The following SUMF1 variants were observed in gnomAD, a reference collection of about 807,000 sequenced individuals.
SUMF1 encodes sulfatase modifying factor 1, also known as formylglycine-generating enzyme.
Under a neutral mutation model 47.6 loss-of-function variants are expected in SUMF1, and 48 were observed. The ratio of observed to expected loss-of-function variants is 1.01; its 90% CI spans 0.80 to 1.28. SUMF1 has a LOEUF of 1.28. Among genes scored for constraint, SUMF1 ranks in the 50% most tolerant of loss-of-function variants. SUMF1 has a pLI of 0.00. For missense variants in SUMF1, 571 were observed against 485.4 expected (o/e 1.18, Z -1.66); for synonymous variants, 230 against 192.1 (o/e 1.20, Z -1.63).
intron 8 of SUMF1, among the ~76,000 whole-genome samples, chr3:4,155,993 G>C (rs909073080): frequency 6.6e-6 from 1 of 151,378 alleles, no homozygotes; most frequent in African/African-American, 2.5e-5. Flanking sequence ...GGGCCCAGCA[G>C]TCTAGTTAGG....
intron 9 of SUMF1, among the ~76,000 whole-genome samples, chr3:4,064,929 T>C (rs1695343901): frequency 6.6e-6 from 1 of 152,180 alleles, no homozygotes; most frequent in Non-Finnish European, 1.5e-5. Context: ...GTGGTGAGTT[T>C]CATTAAACTG....
chr3:4,132,326 T>C (rs371583522), intron 8 of SUMF1, among the ~76,000 whole-genome samples: 10 of 152,176 alleles, frequency 6.6e-5, no homozygotes, highest in African/African-American at 2.2e-4. Flanking sequence ...ACTGGTCCTA[T>C]CATGTTCCCC....
At chr3:4,242,232 T>G (rs1447814178) in intron 8 of SUMF1, among the ~76,000 whole-genome samples, 1 of 152,198 alleles carries the variant, frequency 6.6e-6, no homozygotes, top group African/African-American at 2.4e-5. Context: ...CAGGGACAAT[T>G]TGACTTCCTC....
At chr3:4,431,720 C>A (rs1384535860) in intron 3 of SUMF1, among the ~76,000 whole-genome samples, 1 of 152,168 alleles carries the variant, frequency 6.6e-6, no homozygotes, top group Non-Finnish European at 1.5e-5. Flanking sequence ...GGTGGTGAGG[C>A]CAAGCTAGCC....
chr3:4,364,960 T>C (rs1242464510), intron 8 of SUMF1, among the ~76,000 whole-genome samples: 1 of 152,136 alleles, frequency 6.6e-6, no homozygotes, highest in Non-Finnish European at 1.5e-5. Flanking sequence ...ACATCTTTAT[T>C]TCTGCCTTCA....
intron 8 of SUMF1, among the ~76,000 whole-genome samples, chr3:4,172,823 T>C (rs901012165): frequency 6.6e-6 from 1 of 152,184 alleles, no homozygotes; most frequent in East Asian, 1.9e-4. Context: ...CTGTTCACTC[T>C]GATGATGTTT....
Position 4,101,675 on chromosome 3 carries a change from T to C in SUMF1, c.1015-32930A>G, listed in dbSNP as rs558919972. Among the ~76,000 whole-genome samples the C allele has an allele frequency of 2.0e-5, 3 of 152,314 alleles. No individual in the cohort carries two copies. In the East Asian group the frequency reaches 5.8e-4, roughly 29 times the overall value. On this transcript the variant is annotated intron_variant and NMD_transcript_variant, in intron 8 of 12. Coordinates refer to the SUMF1 transcript ENST00000448413. ...CTCACTGCAAAGAACTGATAACTATTTGAAGTGACAGATATGCTATTTAAC... is the reference window on the plus strand; with the variant it reads ...CTCACTGCAAAGAACTGATAACTATCTGAAGTGACAGATATGCTATTTAAC...
intron 8 of SUMF1, among the ~76,000 whole-genome samples, chr3:4,287,847 A>T (rs1697663561): frequency 6.6e-6 from 1 of 152,238 alleles, no homozygotes; most frequent in African/African-American, 2.4e-5. Context: ...TATTATTATC[A>T]ACCAAGCAAA....
At chr3:4,448,525 C>T (rs1702861830) in intron 3 of SUMF1, among the ~76,000 whole-genome samples, 1 of 152,074 alleles carries the variant, frequency 6.6e-6, no homozygotes, top group Non-Finnish European at 1.5e-5. Flanking sequence ...TTTTGTGAAC[C>T]CTCAACTTCC....
At chr3:4,406,084 T>G (rs1471714709) in intron 7 of SUMF1, among the ~76,000 whole-genome samples, 1 of 151,974 alleles carries the variant, frequency 6.6e-6, no homozygotes, top group Non-Finnish European at 1.5e-5. Context: ...AAGGCCAGCG[T>G]TTCTCATTAA....
chr3:4,093,352 G>T (rs1692828511), intron 8 of SUMF1, among the ~76,000 whole-genome samples: 1 of 152,004 alleles, frequency 6.6e-6, no homozygotes, highest in Admixed American at 6.6e-5. Context: ...AAACTAAAGT[G>T]CTGGCCACAA....
Position 4,252,526 on chromosome 3 carries a change from T to C in SUMF1, c.1014+123804A>G, listed in dbSNP as rs190573590. Among the ~76,000 whole-genome samples, 253 of 152,206 alleles carry C rather than the reference T, an allele frequency of 1.7e-3. 1 individual carries two copies. Among genetic ancestry groups the C allele is most frequent in the Middle Eastern group, 3.4e-3 (1 of 294 alleles). On this transcript the variant is annotated intron_variant and NMD_transcript_variant, in intron 8 of 12. Coordinates refer to the SUMF1 transcript ENST00000448413. ...AAAATCAAACCCTGAGTGGCAAAAGTAGGGAATGAAGGCAACCAAGCTCAT... is the reference window on the plus strand; with the variant it reads ...AAAATCAAACCCTGAGTGGCAAAAGCAGGGAATGAAGGCAACCAAGCTCAT...
intron 8 of SUMF1, among the ~76,000 whole-genome samples, chr3:4,280,868 TGTG>T (rs1453594453): frequency 7.4e-6 from 1 of 135,290 alleles, no homozygotes; most frequent in Non-Finnish European, 1.6e-5. Context: ...TGTGTGTGTG[TGTG>T]TTCTGTGTCC....
chr3:4,218,134 G>C (rs182389456), intron 8 of SUMF1, among the ~76,000 whole-genome samples: 2 of 151,960 alleles, frequency 1.3e-5, no homozygotes, highest in Non-Finnish European at 2.9e-5. Context: ...GACACGCAGG[G>C]AAGATCGGGT....
intron 8 of SUMF1, among the ~76,000 whole-genome samples, chr3:4,268,609 T>C (rs559188682): frequency 4.0e-5 from 6 of 151,430 alleles, no homozygotes; most frequent in African/African-American, 1.5e-4. Context: ...CATACTTCTA[T>C]TACTTCCCAT....
chr3:4,110,578 G>T (rs1693274466), intron 8 of SUMF1, among the ~76,000 whole-genome samples: 1 of 151,902 alleles, frequency 6.6e-6, no homozygotes, highest in Non-Finnish European at 1.5e-5. Flanking sequence ...CAATAACAAA[G>T]ACTTGGAACC....
At chr3:4,303,458 G>T (rs772955163) in intron 8 of SUMF1, 1 of 1,536,144 alleles carries the variant, frequency 6.5e-7, no homozygotes, top group Admixed American at 2.1e-5. Flanking sequence ...GCAGCTGGAT[G>T]TCGCGTGCGG....
At chr3:4,094,529 G>T (rs1439226857) in intron 8 of SUMF1, among the ~76,000 whole-genome samples, 1 of 152,062 alleles carries the variant, frequency 6.6e-6, no homozygotes, top group African/African-American at 2.4e-5. Context: ...GGCTTTGAAG[G>T]TGAGGTAAGC....
intron 8 of SUMF1, among the ~76,000 whole-genome samples, chr3:4,100,238 C>T (rs545444944): frequency 1.3e-5 from 2 of 151,676 alleles, no homozygotes; most frequent in Non-Finnish European, 2.9e-5. Context: ...CCAAAGCAAT[C>T]GTGACCAAAA....
Sources: gnomAD v4.1 joint callset for allele counts (sites outside exome capture counted in the v4.1 genomes callset) on GRCh38, gnomAD v4.1.1 for gene constraint, MANE v1.5 for transcripts, NCBI Gene and HGNC (gene_info 2026-07-23, HGNC 2026-07-21) for gene names.